The following CSMD1 variants were observed in gnomAD, a reference collection of about 807,000 sequenced individuals.
The protein encoded by CSMD1 is CUB and sushi domain-containing protein 1.
In CSMD1, 213 loss-of-function variants were observed where a neutral mutation model predicts 417.5. The ratio of observed to expected loss-of-function variants is 0.51; its 90% confidence interval spans 0.46 to 0.57. The LOEUF is 0.57. Among genes scored for constraint, CSMD1 ranks in the 20% least tolerant of loss-of-function variants. The probability of loss-of-function intolerance (pLI) is 0.00; values close to 1 mark genes in which losing one functional copy is unlikely to be tolerated. For missense variants in CSMD1, 6,923 were observed against 4,529.7 expected (o/e 1.53, Z -15.17); for synonymous variants, 2,862 against 1,736.8 (o/e 1.65, Z -16.11).
At position 4,069,862 on chromosome 8, in the gene CSMD1, G is replaced by A. The variant is rs187431478; in HGVS notation, c.416-37763C>T. On this transcript the variant is annotated intron_variant, in intron 3 of 69. Transcript: ENST00000635120. ...AGACTTCTACAAAAGTCTTCTATCC[G>A]GTACTGCAACAGTAAGGTGTTTTGT... 3.3e-5 allele frequency among the ~76,000 whole-genome samples: 5 copies of A among 151,980 alleles called. No individual in the cohort carries two copies. In the South Asian group the frequency reaches 6.2e-4, roughly 19 times the overall value.
At chr8:3,997,538 C>T (rs754871924) in intron 5 of CSMD1, among the ~76,000 whole-genome samples, 4 of 152,188 alleles carry the variant, frequency 2.6e-5, no homozygotes, top group Non-Finnish European at 5.9e-5. Flanking sequence ...TCAATTCTCG[C>T]TAACGTGAGA....
rs1175132838 is a variant in CSMD1 at position 3,036,679 on chromosome 8, A to C, written c.7661-7166T>G. 2.0e-5 allele frequency among the ~76,000 whole-genome samples: 3 copies of C among 152,184 alleles called. No individual in the cohort carries two copies. In the East Asian group the frequency reaches 5.8e-4, roughly 29 times the overall value. ...AAGACAACTTTGGTTTGGGTAAAAA[A>C]TAAATATAAAGTTTTTGGGGAAAAC... is the stretch of plus-strand genomic sequence containing the variant. On this transcript the variant is annotated intron_variant, in intron 50 of 69. Transcript: ENST00000635120.
At chr8:3,692,484 C>G (rs1430283021) in intron 7 of CSMD1, among the ~76,000 whole-genome samples, 1 of 150,788 alleles carries the variant, frequency 6.6e-6, no homozygotes, top group African/African-American at 2.5e-5. Context: ...CTCTGTCACC[C>G]AGGCTGGAGT....
chr8:4,413,203 G>A (rs1256640850), intron 3 of CSMD1, among the ~76,000 whole-genome samples: 1 of 152,134 alleles, frequency 6.6e-6, no homozygotes, highest in Admixed American at 6.6e-5. Flanking sequence ...CCCAGGGAGG[G>A]TTGCTCAGTT....
intron 7 of CSMD1, among the ~76,000 whole-genome samples, chr8:3,706,327 T>C (rs2129038985): frequency 6.6e-6 from 1 of 152,364 alleles, no homozygotes; most frequent in Middle Eastern, 3.4e-3. Context: ...TATTGAATGC[T>C]TGCCTGTCGC....
chr8:4,193,015 G>T (rs554084249), intron 3 of CSMD1, among the ~76,000 whole-genome samples: 9 of 152,258 alleles, frequency 5.9e-5, no homozygotes, highest in African/African-American at 1.9e-4. Flanking sequence ...TGTAACTCAG[G>T]AACTGATCTT....
chr8:4,836,428 G>C (rs1337340322), intron 1 of CSMD1, among the ~76,000 whole-genome samples: 1 of 152,184 alleles, frequency 6.6e-6, no homozygotes, highest in Non-Finnish European at 1.5e-5. Flanking sequence ...CCAGGGGGAA[G>C]AGATTTGTCC....
At chr8:4,105,143 A>G (rs1044211823) in intron 3 of CSMD1, among the ~76,000 whole-genome samples, 1 of 152,164 alleles carries the variant, frequency 6.6e-6, no homozygotes, top group Non-Finnish European at 1.5e-5. Context: ...ATCACTAATA[A>G]CGTACAACTG....
chr8:4,368,700 G>T (rs1279063667), intron 3 of CSMD1, among the ~76,000 whole-genome samples: 1 of 152,044 alleles, frequency 6.6e-6, no homozygotes, highest in African/African-American at 2.4e-5. Context: ...ATGAGATGTT[G>T]TGTATTTCTA....
intron 5 of CSMD1, among the ~76,000 whole-genome samples, chr8:3,996,362 A>C (rs1815217002): frequency 6.6e-6 from 1 of 152,228 alleles, no homozygotes; most frequent in Admixed American, 6.5e-5. Context: ...TAAAACTAGG[A>C]AGAGGTGAGA....
At chr8:4,060,737 A>G (rs1356715807) in intron 3 of CSMD1, among the ~76,000 whole-genome samples, 1 of 152,220 alleles carries the variant, frequency 6.6e-6, no homozygotes, top group African/African-American at 2.4e-5. Context: ...TGCTCAAAGC[A>G]TCACAGCTAT....
intron 1 of CSMD1, among the ~76,000 whole-genome samples, chr8:4,877,264 G>A (rs1437611532): frequency 1.3e-5 from 2 of 151,958 alleles, no homozygotes; most frequent in African/African-American, 2.4e-5. Flanking sequence ...ATCCCAATTT[G>A]TAGCCAGTAT....
chr8:4,469,603 C>CT (rs1044552374), intron 2 of CSMD1, among the ~76,000 whole-genome samples: 3 of 152,252 alleles, frequency 2.0e-5, no homozygotes, highest in African/African-American at 7.2e-5. Context: ...GTCTTTGACT[C>CT]TGTGTATTCC....
chr8:3,315,005 C>T lies in CSMD1; in HGVS notation c.3632-6502G>A, dbSNP rs373687285. The stretch of plus-strand genomic sequence containing the variant: ...ATAACTGAAGAAAAGGAATACTGGT[C>T]ATTTTTGAATCTCTGATATATTTTC... On this transcript the variant is annotated intron_variant, in intron 23 of 69. Coordinates refer to ENST00000635120, the MANE Select transcript of CSMD1 (RefSeq NM_033225.6). Among the ~76,000 whole-genome samples, 53 of 152,272 alleles carry T rather than the reference C, an allele frequency of 3.5e-4. 1 individual carries two copies. Among genetic ancestry groups the T allele is most frequent in the East Asian group, 2.7e-3 (14 of 5,186 alleles).
intron 68 of CSMD1, 31 bp from the exon 69 acceptor site, chr8:2,942,635 G>A (rs778605665): frequency 5.3e-6 from 8 of 1,514,770 alleles, no homozygotes. Flanking sequence ...TAAATTTGTT[G>A]TTACTGTACT....
Position 4,032,073 on chromosome 8 carries a change from G to T in CSMD1, c.442C>A (p.Pro148Thr), listed in dbSNP as rs548910975. 6.2e-7 allele frequency: 1 copy of T among 1,613,050 alleles called. No homozygotes were observed. Among genetic ancestry groups the T allele is most frequent in the Non-Finnish European group, 8.5e-7 (1 of 1,179,344 alleles). ...EVLPSHTCGN[P>T]GEILKGVLHG... ...AGAACTCCTTTCAGGATTTCTCCAG[G>T]ATTTCCACAAGTGTGGCTAGGTAAA... Residue 148 changes from proline (P) to threonine (T), a missense_variant, in exon 4 of 70, where the codon CCT becomes ACT. Pro to Thr is a conservative substitution (Grantham distance 38). Coordinates refer to ENST00000635120, the MANE Select transcript of CSMD1 (RefSeq NM_033225.6).
intron 7 of CSMD1, among the ~76,000 whole-genome samples, chr8:3,648,127 A>C (rs909875061): frequency 2.0e-5 from 3 of 152,234 alleles, no homozygotes; most frequent in African/African-American, 7.2e-5. Flanking sequence ...AGAACCTACC[A>C]CTTTACTATG....
chr8:3,184,006 G>C lies in CSMD1; in HGVS notation c.5621-2792C>G, dbSNP rs145745321. 6.8e-3 allele frequency among the ~76,000 whole-genome samples: 1,041 copies of C among 152,208 alleles called. 8 individuals carry two copies. The highest frequency in any genetic ancestry group is 0.023 in the African/African-American group (968 of 41,536). ...CACTTTACAAATGTATATATGATGA[G>C]ACATGTTAAAATTCTCATAGATTCC... On this transcript the variant is annotated intron_variant, in intron 36 of 69. Coordinates refer to ENST00000635120, the MANE Select transcript of CSMD1 (RefSeq NM_033225.6).
chr8:4,224,942 C>G (rs1368053305), intron 3 of CSMD1, among the ~76,000 whole-genome samples: 1 of 152,076 alleles, frequency 6.6e-6, no homozygotes, highest in Non-Finnish European at 1.5e-5. Flanking sequence ...GAAACCCCAT[C>G]ACTAATAAAA....
Sources: gnomAD v4.1 joint callset for allele counts (sites outside exome capture counted in the v4.1 genomes callset) on GRCh38, gnomAD v4.1.1 for gene constraint, MANE v1.5 for transcripts, NCBI Gene and HGNC (gene_info 2026-07-23, HGNC 2026-07-21) for gene names.